DNAH17: variants seen among roughly 807,000 people sequenced by gnomAD.
The protein encoded by DNAH17 is axonemal beta dynein heavy chain 17.
Under a neutral mutation model 485.6 loss-of-function variants are expected in DNAH17, and 376 were observed. The observed-to-expected ratio is 0.77, with a 90% CI of 0.71 to 0.84. DNAH17 has a LOEUF of 0.84. Among genes scored for constraint, DNAH17 ranks in the 40% least tolerant of loss-of-function variants. The pLI, the probability that DNAH17 is intolerant of heterozygous loss-of-function variation, is 0.00. For synonymous variants in DNAH17, 3,031 were observed against 2,405.9 expected (o/e 1.26, Z -7.60); for missense variants, 6,370 against 5,839.3 (o/e 1.09, Z -2.96).
chr17:78,483,474 A>G (rs1334433409), intron 48 of DNAH17, among the ~76,000 whole-genome samples: 1 of 152,040 alleles, frequency 6.6e-6, no homozygotes, highest in Non-Finnish European at 1.5e-5. Context: ...TACTAAAAAT[A>G]CAAAAATTAG....
At chr17:78,472,326 A>AGGGTTAGGGTTAGGGAG (rs1448169449) in intron 54 of DNAH17, among the ~76,000 whole-genome samples, 9 of 93,244 alleles carry the variant, frequency 9.7e-5, no homozygotes, top group African/African-American at 2.8e-4. Flanking sequence ...GGGTTAGGGA[A>AGGGTTAGGGTTAGGGAG]TGGGGGTGCG....
chr17:78,461,810 G>T, intron 57 of DNAH17, 102 bp from the exon 58 acceptor site: 2 of 1,186,600 alleles, frequency 1.7e-6, no homozygotes, highest in Non-Finnish European at 2.3e-6. Flanking sequence ...GGGGCAGAAC[G>T]GCAGGGCCGT....
Position 78,494,042 on chromosome 17 carries a change from T to A in DNAH17, c.6402A>T (p.Lys2134Asn). The part of the protein sequence containing the change: ...VFIVGNAGSG[K>N]SQVLKSLNKT... ...CCTGGAGCGGGTGACACACCTGAGA[T>A]TTGCCGCTGCCCGCATTCCCGACGA... is the stretch of plus-strand genomic sequence containing the variant. The change falls in exon 41 of 81, where the codon AAA becomes AAT. Residue 2134 changes from lysine to asparagine, a missense_variant. Coordinates refer to ENST00000389840, the MANE Select transcript of DNAH17 (RefSeq NM_173628.4). 1 of 1,612,144 alleles carries A rather than the reference T, an allele frequency of 6.2e-7. No individual in the cohort carries two copies. The highest frequency in any genetic ancestry group is 8.5e-7 in the Non-Finnish European group (1 of 1,179,548).
intron 25 of DNAH17, among the ~76,000 whole-genome samples, chr17:78,518,145 A>T (rs1234818717): frequency 6.6e-6 from 1 of 152,270 alleles, no homozygotes; most frequent in African/African-American, 2.4e-5. Context: ...TAACATGACA[A>T]TAATTACCTT....
Position 78,459,128 on chromosome 17 carries a change from C to T in DNAH17, c.9734G>A (p.Cys3245Tyr). ...CTCGTAGAAGCGGACGATGTTGATG[C>T]ACCAGGAGCACAGGCCGGCGGCGGC... The part of the protein sequence containing the change: ...STAAAGLCSW[C>Y]INIVRFYEVY... The change falls in exon 61 of 81, where the codon TGC becomes TAC. Residue 3245 changes from cysteine to tyrosine, a missense_variant. By Grantham distance (194) the Cys-to-Tyr change is radical. Coordinates refer to ENST00000389840, the MANE Select transcript of DNAH17 (RefSeq NM_173628.4). 6.2e-7 allele frequency: 1 copy of T among 1,614,032 alleles called. No individual in the cohort carries two copies. The highest frequency in any genetic ancestry group is 8.5e-7 in the Non-Finnish European group (1 of 1,179,898).
At chr17:78,493,383 C>T (rs774821085) in intron 41 of DNAH17, among the ~76,000 whole-genome samples, 2 of 152,198 alleles carry the variant, frequency 1.3e-5, no homozygotes, top group Admixed American at 6.5e-5. Flanking sequence ...ACAAGTAATA[C>T]GCACTCACTG....
chr17:78,540,046 G>T (rs1266348983), intron 17 of DNAH17, among the ~76,000 whole-genome samples, 166 bp from the exon 18 acceptor site: 1 of 152,112 alleles, frequency 6.6e-6, no homozygotes. Flanking sequence ...TCGAGGCTTT[G>T]CACGGCTGCT....
At chr17:78,563,798 C>T (rs1205572818) in intron 11 of DNAH17, among the ~76,000 whole-genome samples, 1 of 152,052 alleles carries the variant, frequency 6.6e-6, no homozygotes, top group Admixed American at 6.5e-5. Flanking sequence ...CCCCAGGGCC[C>T]TATCCTATTT....
In DNAH17 at chr17:78,444,788, C is replaced by A; in HGVS notation, c.11344G>T (p.Glu3782Ter). ...QGWGGIKALS[E>*]MDEFKNLDSD... ...TCCAGATTTTTGAACTCATCCATCT[C>A]CGAGAGGGCCTAGGGGCAGAGGCAG... Residue 3782 changes from glutamate (E) to a stop codon, truncating the protein, a stop_gained, in exon 71 of 81, where the codon GAG becomes TAG. Coordinates refer to ENST00000389840, the MANE Select transcript of DNAH17 (RefSeq NM_173628.4). LOFTEE classifies it high-confidence loss of function. 2 of 1,570,322 alleles carry A rather than the reference C, an allele frequency of 1.3e-6. No individual in the cohort carries two copies. Among genetic ancestry groups the A allele is most frequent in the South Asian group, 2.4e-5 (2 of 84,402 alleles).
chr17:78,425,877 T>G (rs2146404823), intron 79 of DNAH17, among the ~76,000 whole-genome samples: 1 of 151,398 alleles, frequency 6.6e-6, no homozygotes, highest in South Asian at 2.1e-4. Context: ...GCAATTCTCC[T>G]GCCTCAGCTT....
rs745926620 is a variant in DNAH17, at chr17:78,451,579, T to C, written c.10624A>G (p.Met3542Val). The C allele has an allele frequency of 4.3e-6, 7 of 1,613,302 alleles. No homozygotes were observed. The highest frequency in any genetic ancestry group is 1.6e-4 in the Middle Eastern group (1 of 6,082). ...TTGATGAGGGTGCACTGAGCCTGCA[T>C]CTCTGGCTTGTAGTGTGGGTTGAAG... ...KYFNPHYKPEMQAQCTLINFL... is the reference protein window; with the variant it reads ...KYFNPHYKPEVQAQCTLINFL... Residue 3542 changes from methionine to valine, a missense_variant, in exon 66 of 81, where the codon ATG becomes GTG. By Grantham distance (21) the Met-to-Val change is conservative. Transcript: ENST00000389840.
In DNAH17 at chr17:78,425,591, G is replaced by A. The variant is rs369655363; in HGVS notation, c.12916-20C>T. 2.9e-4 allele frequency: 453 copies of A among 1,583,174 alleles called. No individual in the cohort carries two copies. The highest frequency in any genetic ancestry group is 2.0e-3 in the Middle Eastern group (11 of 5,442). On this transcript the variant is annotated intron_variant, in intron 79 of 80. Transcript: ENST00000389840. ...GAGTTCCTGCAAGGACACACGAGCC[G>A]CTAGGAGGAGAGGACATAGAATGAC...
At chr17:78,471,695 G>T (rs114208465) in intron 54 of DNAH17, among the ~76,000 whole-genome samples, 1 of 152,064 alleles carries the variant, frequency 6.6e-6, no homozygotes, top group Non-Finnish European at 1.5e-5. Context: ...CTCCCGGCCC[G>T]TCTGGCTTTC....
chr17:78,500,001 C>T, intron 36 of DNAH17: 1 of 303,712 alleles, frequency 3.3e-6, no homozygotes, highest in Non-Finnish European at 6.2e-6. Context: ...GGGAGGTGCT[C>T]ACCCCTGTGC....
chr17:78,517,812 A>G (rs2090828697), intron 25 of DNAH17, among the ~76,000 whole-genome samples: 1 of 152,200 alleles, frequency 6.6e-6, no homozygotes. Context: ...TACAACTGAA[A>G]AACCTTGGAC....
intron 14 of DNAH17, among the ~76,000 whole-genome samples, chr17:78,553,243 A>G (rs1035122189): frequency 1.4e-4 from 18 of 132,836 alleles, no homozygotes; most frequent in South Asian, 4.9e-4. Flanking sequence ...AGCTAATTAA[A>G]CCTCTTTTCT....
At chr17:78,568,840 A>C (rs577410195) in intron 9 of DNAH17, among the ~76,000 whole-genome samples, 1 of 152,256 alleles carries the variant, frequency 6.6e-6, no homozygotes, top group Admixed American at 6.5e-5. Flanking sequence ...CTCCATTTGT[A>C]ATAATTGAGT....
chr17:78,483,378 C>A (rs1229436793), intron 48 of DNAH17, among the ~76,000 whole-genome samples: 1 of 152,192 alleles, frequency 6.6e-6, no homozygotes, highest in African/African-American at 2.4e-5. Flanking sequence ...GCCTGTAGTC[C>A]CAGCACTTTG....
intron 16 of DNAH17, among the ~76,000 whole-genome samples, chr17:78,546,304 T>A (rs2091762154): frequency 6.6e-6 from 1 of 152,240 alleles, no homozygotes; most frequent in Admixed American, 6.5e-5. Context: ...TTGTCAATCA[T>A]TTTATCTTCA....
Sources: gnomAD v4.1 joint callset for allele counts (sites outside exome capture counted in the v4.1 genomes callset) on GRCh38, gnomAD v4.1.1 for gene constraint, MANE v1.5 for transcripts, NCBI Gene and HGNC (gene_info 2026-07-23, HGNC 2026-07-21) for gene names.